Variants in CHGA observed in about 807,000 individuals in gnomAD.
The protein encoded by CHGA is chromogranin-A.
Under a neutral mutation model 54.4 loss-of-function variants are expected in CHGA, and 41 were observed. That is an observed-to-expected ratio of 0.75 (90% confidence interval 0.59 to 0.98). CHGA has a LOEUF of 0.98. CHGA is among the 50% of genes least tolerant of loss of function. The pLI is 0.00. For missense variants in CHGA, 576 were observed against 582.3 expected, an observed-to-expected ratio of 0.99 and a Z score of 0.11; for synonymous variants, 249 against 232.8, an observed-to-expected ratio of 1.07 and a Z score of -0.63.
rs1322936369 is a variant in CHGA at position 92,932,726 on chromosome 14, C to A, written c.1165C>A (p.Gln389Lys). The change falls in exon 7 of 8, where the codon CAG becomes AAG. Residue 389 changes from glutamine to lysine, a missense_variant. Physicochemically the swap from Gln to Lys is moderately conservative, Grantham distance 53. Transcript: ENST00000216492. The surrounding 1 kb of genome is among the most constrained non-coding windows in gnomAD (Gnocchi z 5.3). Reference protein sequence around the residue: ...RAYGFRGPGPQLRRGWRPSSR... With the variant: ...RAYGFRGPGPKLRRGWRPSSR... ...CTACGGCTTCAGGGGCCCTGGGCCG[C>A]AGCTGCGACGAGGCTGGAGGCCATC... is the stretch of plus-strand genomic sequence containing the variant. The A allele has an allele frequency of 2.5e-6, 4 of 1,610,940 alleles. No homozygotes were observed. Among genetic ancestry groups the A allele is most frequent in the Admixed American group, 3.3e-5 (2 of 59,906 alleles).
At chr14:92,924,729 C>T (rs973651457) in intron 2 of CHGA, among the ~76,000 whole-genome samples, 2 of 152,368 alleles carry the variant, frequency 1.3e-5, no homozygotes, top group African/African-American at 4.8e-5. Flanking sequence ...ACAAGCAAAA[C>T]ATCTTGATCA....
At chr14:92,923,534 G>A (rs1848919699) in intron 1 of CHGA, 129 bp downstream of exon 1, 1 of 803,672 alleles carries the variant, frequency 1.2e-6, no homozygotes, top group Non-Finnish European at 1.7e-6. Context: ...TCAGCACCGC[G>A]GACAGCGCCT....
In CHGA at chr14:92,931,698, C is replaced by A; in HGVS notation, c.804C>A (p.Gly268=). ...PSLGYKEIRK[G]ESRSEALAVD... is the part of the protein sequence containing the mutation. ...TTGGCTACAAGGAGATCCGGAAAGG[C>A]GAGAGTACGTATGATGGCGAAGACC... The change falls in exon 6 of 8, where the codon GGC becomes GGA. Residue 268 remains glycine, a synonymous_variant. Coordinates refer to ENST00000216492, the MANE Select transcript of CHGA (RefSeq NM_001275.4). The A allele has an allele frequency of 6.4e-7, 1 of 1,568,008 alleles. No homozygotes were observed. The highest frequency in any genetic ancestry group is 8.7e-7 in the Non-Finnish European group (1 of 1,153,834).
chr14:92,931,202 C>A, intron 5 of CHGA, 48 bp from the exon 6 acceptor site: 7 of 1,541,310 alleles, frequency 4.5e-6, no homozygotes, highest in Non-Finnish European at 6.1e-6. Context: ...GGAGGCCCCA[C>A]ACGTGGCCCA....
At chr14:92,924,354 T>G (rs1318477900) in intron 2 of CHGA, 109 bp downstream of exon 2, 1 of 1,053,500 alleles carries the variant, frequency 9.5e-7, no homozygotes. Flanking sequence ...GAGCCAGCAC[T>G]GCGGCTGCTG....
chr14:92,923,476 C>A, intron 1 of CHGA, 71 bp downstream of exon 1: 12 of 1,190,880 alleles, frequency 1.0e-5, no homozygotes, highest in Non-Finnish European at 1.3e-5. Flanking sequence ...CCGGGCACCG[C>A]GCGGCGCCCC....
In CHGA at chr14:92,932,663, C is replaced by A; in HGVS notation, c.1102C>A (p.Arg368=). 6.2e-7 allele frequency: 1 copy of A among 1,605,006 alleles called. No homozygotes were observed. The highest frequency in any genetic ancestry group is 1.1e-5 in the South Asian group (1 of 89,232). Residue 368 remains arginine (R), a synonymous_variant, in exon 7 of 8, where the codon CGG becomes AGG. Coordinates refer to ENST00000216492, the MANE Select transcript of CHGA (RefSeq NM_001275.4). This position sits in a 1 kb window ranked among gnomAD's most constrained non-coding sequence, Gnocchi z 5.3. Reference sequence around the variant, plus strand: ...GGGGCAGGAGGAGGAGGAGGACAACCGGGACAGTTCCATGAAGCTCTCCTT... The same window carrying A: ...GGGGCAGGAGGAGGAGGAGGACAACAGGGACAGTTCCATGAAGCTCTCCTT... The part of the protein sequence containing the change: ...LEGQEEEEDN[R]DSSMKLSFRA...
rs1016654250 is a variant in CHGA at position 92,935,194 on chromosome 14, T to G, written c.*310T>G. ...TCCACTGGGCACAACTGCAATAACT[T>G]CTGACCTTTTGGTGAAAGCTGAGAA... On this transcript the variant is annotated 3_prime_UTR_variant, in exon 8 of 8. Coordinates refer to ENST00000216492, the MANE Select transcript of CHGA (RefSeq NM_001275.4). 8 of 372,092 alleles carry G rather than the reference T, an allele frequency of 2.2e-5. No individual in the cohort carries two copies. The highest frequency in any genetic ancestry group is 3.8e-5 in the Non-Finnish European group (8 of 210,460). The allele number at this position is 372,092 out of a possible 1,614,324, so 23.0% of individuals were successfully genotyped here.
chr14:92,923,676 C>G (rs989385745), intron 1 of CHGA, among the ~76,000 whole-genome samples: 11 of 152,354 alleles, frequency 7.2e-5, no homozygotes, highest in African/African-American at 2.6e-4. Context: ...TCGGTTGCAT[C>G]AGGGCCAGTG....
chr14:92,923,324 C>T lies in CHGA; in HGVS notation c.-36C>T. On this transcript the variant is annotated 5_prime_UTR_variant, in exon 1 of 8. Transcript: ENST00000216492. ...CCTCGCCCGGTGCCTAGGTGCCCGG[C>T]CCCACACCGCCAGCTGCTCGGCGCC... 3.0e-6 allele frequency: 4 copies of T among 1,321,344 alleles called. No individual in the cohort carries two copies. The highest frequency in any genetic ancestry group is 2.9e-6 in the Non-Finnish European group (3 of 1,038,006). 81.9% of individuals were successfully genotyped at this position (1,321,344 alleles called of 1,614,324 possible). A position where few individuals can be genotyped will look rare whatever the true frequency, so the allele number is the denominator to read the frequency against.
In CHGA at chr14:92,926,703, G is replaced by C; in HGVS notation, c.187+5G>C. 2 of 1,613,530 alleles carry C rather than the reference G, an allele frequency of 1.2e-6. No homozygotes were observed. The highest frequency in any genetic ancestry group is 1.7e-6 in the Non-Finnish European group (2 of 1,179,624). On this transcript the variant is annotated splice_donor_5th_base_variant and intron_variant, in intron 3 of 7. Coordinates refer to ENST00000216492, the MANE Select transcript of CHGA (RefSeq NM_001275.4). ...GTTTTGAGACACTCCGAGGAGGTAT[G>C]AGCTGGAGGCTAGGGGTGAGGGCTG...
At chr14:92,926,487 G>A in intron 2 of CHGA, 118 bp from the exon 3 acceptor site, 2 of 758,890 alleles carry the variant, frequency 2.6e-6, no homozygotes, top group Non-Finnish European at 4.6e-6. Context: ...AGGGATCATG[G>A]ACTCCCAAAG....
In CHGA at chr14:92,924,973, T is replaced by C. The variant is rs556443930; in HGVS notation, c.93+728T>C. On this transcript the variant is annotated intron_variant, in intron 2 of 7. Transcript: ENST00000216492. ...TTCTACTCCCCACCTTCCCAGAAAC[T>C]ATTCTCTTCCACTAGACACCACAGT... is the stretch of plus-strand genomic sequence containing the variant. 2.0e-3 allele frequency among the ~76,000 whole-genome samples: 301 copies of C among 152,284 alleles called. 1 individual carries two copies. The highest frequency in any genetic ancestry group is 4.3e-3 in the Admixed American group (66 of 15,296).
intron 5 of CHGA, among the ~76,000 whole-genome samples, chr14:92,931,002 T>C (rs1886982120): frequency 1.3e-5 from 2 of 152,258 alleles, no homozygotes; most frequent in Admixed American, 6.5e-5. Flanking sequence ...AATCTTAAGG[T>C]CTGGTTTTTT....
Position 92,931,701 on chromosome 14 carries a change from G to C in CHGA, c.807G>C (p.Glu269Asp). ...GCTACAAGGAGATCCGGAAAGGCGA[G>C]AGTACGTATGATGGCGAAGACCTCA... ...SLGYKEIRKG[E>D]SRSEALAVDG... Residue 269 changes from glutamate (E) to aspartate (D), a missense_variant and splice_region_variant, in exon 6 of 8, where the codon GAG (glutamate) becomes GAC (aspartate). Physicochemically the swap from Glu to Asp is conservative, Grantham distance 45. Transcript: ENST00000216492. The C allele has an allele frequency of 6.4e-7, 1 of 1,559,022 alleles. No homozygotes were observed. Among genetic ancestry groups the C allele is most frequent in the Non-Finnish European group, 8.7e-7 (1 of 1,149,376 alleles).
In CHGA at chr14:92,934,687, A is replaced by G. The variant is rs142383456; in HGVS notation, c.1291-114A>G. ...GTCTCCATGATGGATGAGGGTACAG[A>G]GAGACAAAGCCACCTGTCCGAGGCC... On this transcript the variant is annotated intron_variant, in intron 7 of 7. Transcript: ENST00000216492. The G allele has an allele frequency of 6.2e-4, 453 of 725,838 alleles. 3 individuals carry two copies. The East Asian group carries it at 0.012, about 19-fold the overall frequency. 45.0% of individuals were successfully genotyped at this position (725,838 alleles called of 1,614,324 possible). A position where few individuals can be genotyped will look rare whatever the true frequency, so the allele number is the denominator to read the frequency against.
intron 3 of CHGA, 79 bp from the exon 4 acceptor site, chr14:92,927,471 C>A: frequency 8.2e-7 from 1 of 1,213,260 alleles, no homozygotes; most frequent in Non-Finnish European, 1.2e-6. Flanking sequence ...ATTCCTTGTG[C>A]TCAGCTGAAA....
rs77763745 is a variant in CHGA at position 92,925,052 on chromosome 14, C to G, written c.93+807C>G. 4.8e-3 allele frequency among the ~76,000 whole-genome samples: 737 copies of G among 152,330 alleles called. 3 individuals are homozygous for G. Among genetic ancestry groups the G allele is most frequent in the Non-Finnish European group, 8.7e-3 (592 of 68,030 alleles). ...ACCTCTGTTTGCTCAATTATATTTC[C>G]TATGTTTTAGTTGCAGATAGGACAG... On this transcript the variant is annotated intron_variant, in intron 2 of 7. Coordinates refer to ENST00000216492, the MANE Select transcript of CHGA (RefSeq NM_001275.4).
intron 2 of CHGA, among the ~76,000 whole-genome samples, chr14:92,924,526 A>G (rs1886849965): frequency 6.6e-6 from 1 of 152,154 alleles, no homozygotes; most frequent in South Asian, 2.1e-4. Context: ...TGTCTTGAAC[A>G]CTCTGAATCC....
Sources: gnomAD v4.1 joint callset for allele counts (sites outside exome capture counted in the v4.1 genomes callset) on GRCh38, gnomAD v4.1.1 for gene constraint, Gnocchi (gnomAD v3.1) non-coding constraint, MANE v1.5 for transcripts, NCBI Gene and HGNC (gene_info 2026-07-23, HGNC 2026-07-21) for gene names.